MGRN1: variants seen among roughly 807,000 people sequenced by gnomAD.
MGRN1 encodes the protein mahogunin ring finger 1, also known as E3 ubiquitin-protein ligase MGRN1.
MGRN1 carries 29 observed loss-of-function variants against 69.2 expected under a neutral mutation model. The observed-to-expected ratio is 0.42, with a 90% CI of 0.31 to 0.57. The LOEUF is 0.57. Ranked by LOEUF, MGRN1 falls within the 20% of genes least tolerant of loss-of-function variation. The probability of loss-of-function intolerance (pLI) is 0.15; values close to 1 mark genes in which losing one functional copy is unlikely to be tolerated. For synonymous variants in MGRN1, 470 were observed against 344.2 expected, an observed-to-expected ratio of 1.37 and a Z score of -4.04; for missense variants, 998 against 796.2, an observed-to-expected ratio of 1.25 and a Z score of -3.05.
intron 7 of MGRN1, among the ~76,000 whole-genome samples, chr16:4,665,541 G>C (rs1395239971): frequency 1.3e-5 from 2 of 150,908 alleles, no homozygotes; most frequent in African/African-American, 4.9e-5. Context: ...GCTAATTTTT[G>C]TATGTTTAGT....
chr16:4,683,022 C>T, intron 14 of MGRN1, 76 bp downstream of exon 14: 3 of 1,487,502 alleles, frequency 2.0e-6, no homozygotes, highest in East Asian at 2.4e-5. Context: ...GGAATCAGAC[C>T]CCATCCCACT....
Position 4,686,846 on chromosome 16 carries a change from T to C in MGRN1, c.1619-1950T>C, listed in dbSNP as rs534321310. The C allele has an allele frequency of 1.0e-4, 99 of 985,874 alleles. No homozygotes were observed. The African/African-American group carries it at 1.3e-3, about 13-fold the overall frequency. 61.1% of individuals were successfully genotyped at this position (985,874 alleles called of 1,614,324 possible). ...CGTGTTCCGGTCGTGGCTTTAACAA[T>C]TCATGGGGAAAGAATGCGCCCCGAT... On this transcript the variant is annotated intron_variant, in intron 16 of 16. Transcript: ENST00000262370.
At chr16:4,633,534 A>G (rs1898114752) in intron 1 of MGRN1, 1 of 145,030 alleles carries the variant, frequency 6.9e-6, no homozygotes, top group South Asian at 2.2e-4. Context: ...TCTACTAAAA[A>G]TACAAAATGA....
chr16:4,682,203 C>G (rs911097236), intron 13 of MGRN1, among the ~76,000 whole-genome samples: 2 of 152,226 alleles, frequency 1.3e-5, no homozygotes, highest in Non-Finnish European at 2.9e-5. Flanking sequence ...GACCCAGGCA[C>G]ACTCACTGCT....
rs765317402 is a variant in MGRN1 at position 4,668,337 on chromosome 16, G to C, written c.726+25G>C. ...TGTAAGTCATCAGAGGAAATATGAC[G>C]TGCTTGAATTAAAAGACACACATAT... On this transcript the variant is annotated intron_variant, in intron 8 of 16. Transcript: ENST00000262370. 3 of 1,612,162 alleles carry C rather than the reference G, an allele frequency of 1.9e-6. No individual in the cohort carries two copies. In the South Asian group the frequency reaches 3.3e-5, roughly 18 times the overall value.
intron 1 of MGRN1, among the ~76,000 whole-genome samples, chr16:4,645,847 G>C (rs1382981603): frequency 1.3e-5 from 2 of 152,202 alleles, no homozygotes; most frequent in Non-Finnish European, 1.5e-5. Context: ...AGAAACAACA[G>C]ACCTGGGGAC....
At chr16:4,657,442 GT>G in intron 5 of MGRN1, 79 bp downstream of exon 5, 1 of 1,380,530 alleles carries the variant, frequency 7.2e-7, no homozygotes, top group Non-Finnish European at 1.0e-6. Context: ...GCACAGTGGG[GT>G]CTGTGTGTTT....
At position 4,681,537 on chromosome 16, in the gene MGRN1, C is replaced by A. The variant is rs777073698; in HGVS notation, c.1132-13C>A. ...CCTGGGCATGAGCCCCCTCACGCACCCTGTCCCTACAGAACTCTGACAGCG... is the reference window on the plus strand; with the variant it reads ...CCTGGGCATGAGCCCCCTCACGCACACTGTCCCTACAGAACTCTGACAGCG... On this transcript the variant is annotated splice_polypyrimidine_tract_variant and intron_variant, in intron 12 of 16. Transcript: ENST00000262370. The A allele has an allele frequency of 6.2e-7, 1 of 1,607,070 alleles. No homozygotes were observed. The highest frequency in any genetic ancestry group is 8.5e-7 in the Non-Finnish European group (1 of 1,175,608).
intron 10 of MGRN1, among the ~76,000 whole-genome samples, chr16:4,674,586 T>TTTTTTTC (rs1555457311): frequency 1.8e-4 from 25 of 140,132 alleles, no homozygotes; most frequent in African/African-American, 6.3e-4. Flanking sequence ...CGCTTTTTTT[T>TTTTTTTC]TTTTCTTTTC....
intron 9 of MGRN1, among the ~76,000 whole-genome samples, chr16:4,671,692 G>A (rs1328764776): frequency 2.8e-4 from 43 of 152,240 alleles, no homozygotes; most frequent in Non-Finnish European, 1.0e-4. Context: ...GTTCCCCAGG[G>A]CAGCCCAGGA....
At chr16:4,641,224 G>C (rs114872629) in intron 1 of MGRN1, among the ~76,000 whole-genome samples, 8,131 of 152,288 alleles carry the variant, frequency 0.053, 713 homozygotes, top group African/African-American at 0.19. Context: ...AAAGGAAAGG[G>C]CGGCCCCGCC....
chr16:4,644,182 G>A (rs1182197665), intron 1 of MGRN1, among the ~76,000 whole-genome samples: 2 of 151,796 alleles, frequency 1.3e-5, no homozygotes, highest in Admixed American at 1.3e-4. Flanking sequence ...AGTAGAGATG[G>A]GGTTTTACCA....
intron 1 of MGRN1, among the ~76,000 whole-genome samples, chr16:4,635,568 C>T (rs377078332): frequency 4.6e-5 from 7 of 151,406 alleles, no homozygotes; most frequent in South Asian, 4.2e-4. Context: ...CTCCTGGGTT[C>T]GAGCAATCCT....
At chr16:4,644,437 A>G (rs908287194) in intron 1 of MGRN1, among the ~76,000 whole-genome samples, 4 of 151,496 alleles carry the variant, frequency 2.6e-5, no homozygotes, top group African/African-American at 9.7e-5. Context: ...CAGCCTCCCA[A>G]GTAGCTGGGA....
At chr16:4,667,689 G>C (rs894404820) in intron 7 of MGRN1, among the ~76,000 whole-genome samples, 9 of 152,222 alleles carry the variant, frequency 5.9e-5, no homozygotes, top group Admixed American at 4.6e-4. Flanking sequence ...CGAGGTCTCC[G>C]ATCTCAAGCC....
chr16:4,665,091 CT>C lies in MGRN1; in HGVS notation c.629-10del, dbSNP rs1313892055. The C allele has an allele frequency of 5.6e-6, 9 of 1,614,112 alleles. No homozygotes were observed. The highest frequency in any genetic ancestry group is 7.6e-6 in the Non-Finnish European group (9 of 1,180,050). Reference sequence around the variant, plus strand: ...CCGACTCTGACTACTCTGCCCCTCTCTCCCCAGCAGTGGTGGAAGTGACTGG... The same window carrying C: ...CCGACTCTGACTACTCTGCCCCTCTCCCCCAGCAGTGGTGGAAGTGACTGG... On this transcript the variant is annotated splice_polypyrimidine_tract_variant and intron_variant, in intron 6 of 16. Coordinates refer to ENST00000262370, the MANE Select transcript of MGRN1 (RefSeq NM_015246.4).
intron 16 of MGRN1, chr16:4,687,525 C>CGGGGGGGGG: frequency 1.0e-6 from 1 of 982,268 alleles, no homozygotes; most frequent in Non-Finnish European, 1.2e-6. Flanking sequence ...AAAAAATACA[C>CGGGGGGGGG]ACACACCCAC....
At chr16:4,663,192 T>C (rs1006285347) in intron 5 of MGRN1, among the ~76,000 whole-genome samples, 1 of 152,060 alleles carries the variant, frequency 6.6e-6, no homozygotes, top group Non-Finnish European at 1.5e-5. Flanking sequence ...GCCTCCCGAG[T>C]AGCTGGGATT....
intron 9 of MGRN1, 38 bp downstream of exon 9, chr16:4,671,497 A>G (rs775653030): frequency 4.4e-6 from 7 of 1,600,540 alleles, no homozygotes; most frequent in Non-Finnish European, 6.0e-6. Context: ...GCCATTACAG[A>G]AGCCCACACC....
Sources: allele counts gnomAD v4.1 joint callset (sites outside exome capture counted in the v4.1 genomes callset), GRCh38; gene constraint gnomAD v4.1.1; transcripts MANE v1.5; gene names NCBI Gene and HGNC (gene_info 2026-07-23, HGNC 2026-07-21).